MLLT10: variants seen among roughly 807,000 people sequenced by gnomAD.
MLLT10 encodes protein AF-10.
MLLT10 carries 30 observed loss-of-function variants against 129.1 expected under a neutral mutation model. The ratio of observed to expected loss-of-function variants is 0.23; its 90% CI spans 0.17 to 0.32. The LOEUF (loss-of-function observed/expected upper bound fraction) is 0.32. Ranked by LOEUF, MLLT10 falls within the 10% of genes least tolerant of loss-of-function variation. The pLI is 1.00. For missense variants in MLLT10, 1,119 were observed against 1,268.3 expected, an observed-to-expected ratio of 0.88 and a Z score of 1.79; for synonymous variants, 490 against 446.4, an observed-to-expected ratio of 1.10 and a Z score of -1.23.
chr10:21,654,473 G>A (rs1057323095), intron 9 of MLLT10, among the ~76,000 whole-genome samples: 5 of 152,116 alleles, frequency 3.3e-5, no homozygotes, highest in Non-Finnish European at 5.9e-5. Context: ...AAAGTAAGAA[G>A]CAATGCTTTT....
intron 4 of MLLT10, among the ~76,000 whole-genome samples, chr10:21,591,723 C>CT (rs964738392): frequency 1.6e-4 from 23 of 143,614 alleles, no homozygotes; most frequent in South Asian, 6.7e-4. Context: ...GAGTGTACAA[C>CT]TTTTTTTTTT....
intron 13 of MLLT10, among the ~76,000 whole-genome samples, chr10:21,689,557 A>G (rs1266157455): frequency 2.2e-5 from 2 of 92,938 alleles, no homozygotes; most frequent in African/African-American, 8.5e-5. Flanking sequence ...ATATATATAT[A>G]TATATATGTA....
intron 11 of MLLT10, among the ~76,000 whole-genome samples, chr10:21,680,854 C>T (rs536221094): frequency 6.6e-6 from 1 of 151,976 alleles, no homozygotes; most frequent in African/African-American, 2.4e-5. Flanking sequence ...CACCTGTAGT[C>T]CCAGCTATTT....
chr10:21,731,098 G>C, intron 17 of MLLT10, 44 bp downstream of exon 17: 1 of 1,550,768 alleles, frequency 6.4e-7, no homozygotes, highest in Middle Eastern at 1.7e-4. Flanking sequence ...CAGATGGGCA[G>C]ATGGACAAAC....
At chr10:21,625,446 C>A in intron 8 of MLLT10, 2 of 945,670 alleles carry the variant, frequency 2.1e-6, no homozygotes, top group Admixed American at 1.8e-5. Flanking sequence ...TTTACCTTAG[C>A]CATGACTTCT....
At chr10:21,559,956 G>A (rs1301173120) in intron 3 of MLLT10, among the ~76,000 whole-genome samples, 4 of 151,540 alleles carry the variant, frequency 2.6e-5, no homozygotes, top group South Asian at 2.1e-4. Flanking sequence ...TTTTTGGGTC[G>A]GGTGGGTGTA....
At chr10:21,624,882 G>T (rs2046272962) in intron 8 of MLLT10, 2 of 1,158,372 alleles carry the variant, frequency 1.7e-6, no homozygotes, top group Non-Finnish European at 1.2e-6. Context: ...GCCTCGTGGT[G>T]GTCCCAAAGG....
At chr10:21,686,705 G>A (rs891887173) in intron 13 of MLLT10, among the ~76,000 whole-genome samples, 2 of 152,068 alleles carry the variant, frequency 1.3e-5, no homozygotes, top group South Asian at 2.1e-4. Context: ...CCTTGGGGCC[G>A]TGCATGGTGG....
intron 9 of MLLT10, among the ~76,000 whole-genome samples, chr10:21,652,828 G>A (rs145517501): frequency 7.4e-4 from 113 of 152,290 alleles, no homozygotes; most frequent in African/African-American, 2.4e-3. Flanking sequence ...GTATGCAATC[G>A]TCCAGAGAGA....
At chr10:21,670,337 A>G (rs914333304) in intron 9 of MLLT10, 112 bp from the exon 10 acceptor site, 26 of 1,026,936 alleles carry the variant, frequency 2.5e-5, no homozygotes, top group Middle Eastern at 6.1e-4. Flanking sequence ...TTTTTAGAAC[A>G]GAAACTTTGT....
At chr10:21,556,010 C>T (rs2037896561) in intron 3 of MLLT10, among the ~76,000 whole-genome samples, 1 of 148,972 alleles carries the variant, frequency 6.7e-6, no homozygotes, top group South Asian at 2.1e-4. Flanking sequence ...GAGTCTCGCT[C>T]TGTTGCCTAG....
intron 8 of MLLT10, among the ~76,000 whole-genome samples, chr10:21,627,587 G>A (rs542867833): frequency 1.3e-4 from 20 of 152,194 alleles, no homozygotes; most frequent in Middle Eastern, 3.4e-3. Context: ...CCTATTTCAG[G>A]TTATCTGAGG....
intron 3 of MLLT10, among the ~76,000 whole-genome samples, chr10:21,543,045 G>T (rs543092006): frequency 2.0e-5 from 3 of 151,596 alleles, no homozygotes; most frequent in African/African-American, 7.3e-5. Context: ...TGCAGCATCC[G>T]CCTCCCGGGT....
intron 13 of MLLT10, among the ~76,000 whole-genome samples, chr10:21,701,388 C>A (rs1258117679): frequency 6.9e-6 from 1 of 145,490 alleles, no homozygotes; most frequent in Non-Finnish European, 1.5e-5. Context: ...TTTTCTAGTT[C>A]CTTGAGGTGC....
intron 3 of MLLT10, among the ~76,000 whole-genome samples, chr10:21,544,858 A>T (rs904234180): frequency 6.6e-6 from 1 of 152,190 alleles, no homozygotes; most frequent in African/African-American, 2.4e-5. Context: ...AAATTTTTGT[A>T]TTGGAGGCCG....
chr10:21,740,613 T>C (rs1030930736), intron 22 of MLLT10, among the ~76,000 whole-genome samples: 1 of 152,218 alleles, frequency 6.6e-6, no homozygotes, highest in Non-Finnish European at 1.5e-5. Flanking sequence ...ACACATTAAG[T>C]ATATTTATTA....
intron 21 of MLLT10, chr10:21,738,542 G>A: frequency 7.8e-7 from 1 of 1,284,316 alleles, no homozygotes; most frequent in Non-Finnish European, 1.0e-6. Context: ...TTCATTTACA[G>A]GGATCAAACT....
At position 21,693,367 on chromosome 10, in the gene MLLT10, T is replaced by C. The variant is rs2054057282; in HGVS notation, c.1699+11110T>C. Among the ~76,000 whole-genome samples, 6 of 141,522 alleles carry C rather than the reference T, an allele frequency of 4.2e-5. 1 individual carries two copies. In the South Asian group the frequency reaches 1.3e-3, roughly 31 times the overall value. The allele number at this position is 141,522 out of a possible 152,430, so 92.8% of individuals were successfully genotyped here. On this transcript the variant is annotated intron_variant, in intron 13 of 22. Transcript: ENST00000307729. ...CTGTACTCAAGATATTAGATGTCTT[T>C]CCCAGGGGGAAAAAAAAAACCTTAT...
At chr10:21,687,551 G>T (rs949230202) in intron 13 of MLLT10, among the ~76,000 whole-genome samples, 1 of 152,140 alleles carries the variant, frequency 6.6e-6, no homozygotes, top group Admixed American at 6.5e-5. Context: ...TTATGAGTTA[G>T]TGTGTTCTTT....
Sources: allele counts gnomAD v4.1 joint callset (sites outside exome capture counted in the v4.1 genomes callset), GRCh38; gene constraint gnomAD v4.1.1; transcripts MANE v1.5; gene names NCBI Gene and HGNC (gene_info 2026-07-23, HGNC 2026-07-21).